The following EMP2 variants were observed in gnomAD, a reference collection of about 807,000 sequenced individuals.
The protein encoded by EMP2 is epithelial membrane protein 2.
Under a neutral mutation model 13.7 loss-of-function variants are expected in EMP2, and 19 were observed. The ratio of observed to expected loss-of-function variants is 1.38; its 90% CI spans 0.97 to 2.03. The LOEUF (loss-of-function observed/expected upper bound fraction) is 2.03, where lower values mean the gene tolerates loss of function less well. Ranked by LOEUF, EMP2 falls within the 30% of genes most tolerant of loss-of-function variation. The pLI is 0.00. For synonymous variants in EMP2, 97 were observed against 84.7 expected, an observed-to-expected ratio of 1.15 and a Z score of -0.80; for missense variants, 253 against 220.7, an observed-to-expected ratio of 1.15 and a Z score of -0.93.
chr16:10,542,570 T>C (rs1370235285), intron 3 of EMP2, among the ~76,000 whole-genome samples: 2 of 152,178 alleles, frequency 1.3e-5, no homozygotes, highest in African/African-American at 2.4e-5. Context: ...TAACCGGGTA[T>C]ACTGTATTTT....
intron 1 of EMP2, among the ~76,000 whole-genome samples, chr16:10,557,599 C>T (rs1422552581): frequency 6.6e-6 from 1 of 152,104 alleles, no homozygotes; most frequent in Non-Finnish European, 1.5e-5. Flanking sequence ...CTAAATGAAT[C>T]ACTTTTTCTG....
chr16:10,543,776 G>A (rs565100529), intron 2 of EMP2, 116 bp from the exon 3 acceptor site: 3 of 941,822 alleles, frequency 3.2e-6, no homozygotes, highest in South Asian at 1.4e-5. Flanking sequence ...CAACACATGT[G>A]AGAATTGCCT....
intron 1 of EMP2, among the ~76,000 whole-genome samples, chr16:10,566,030 C>G (rs567984674): frequency 1.3e-5 from 2 of 152,178 alleles, no homozygotes; most frequent in Non-Finnish European, 2.9e-5. Context: ...GAACACACCA[C>G]CCCCAGCCTC....
At chr16:10,549,725 ACACT>A (rs1190889139) in intron 1 of EMP2, among the ~76,000 whole-genome samples, 87 of 46,038 alleles carry the variant, frequency 1.9e-3, no homozygotes, top group African/African-American at 6.2e-3. Context: ...GCACACACAC[ACACT>A]CACACACACA....
chr16:10,545,685 T>C (rs2050733880), intron 2 of EMP2: 2 of 152,318 alleles, frequency 1.3e-5, no homozygotes, highest in Non-Finnish European at 1.5e-5. Flanking sequence ...TGACGAGTTA[T>C]ATAATTATTT....
intron 1 of EMP2, among the ~76,000 whole-genome samples, chr16:10,561,224 G>A (rs555828614): frequency 1.3e-5 from 2 of 152,342 alleles, no homozygotes; most frequent in South Asian, 4.1e-4. Flanking sequence ...ACAGGAAGCA[G>A]AAGTAGCATG....
At chr16:10,555,205 G>T (rs2050818498) in intron 1 of EMP2, among the ~76,000 whole-genome samples, 1 of 152,152 alleles carries the variant, frequency 6.6e-6, no homozygotes, top group Non-Finnish European at 1.5e-5. Flanking sequence ...TATCTCAGTG[G>T]GATACTCCTC....
chr16:10,572,407 A>G (rs1596382950), intron 1 of EMP2, among the ~76,000 whole-genome samples: 1 of 152,022 alleles, frequency 6.6e-6, no homozygotes, highest in East Asian at 1.9e-4. Flanking sequence ...TGACTGCACC[A>G]CTACACTCCA....
chr16:10,551,568 G>A (rs550527258), intron 1 of EMP2, among the ~76,000 whole-genome samples: 1 of 152,182 alleles, frequency 6.6e-6, no homozygotes, highest in Admixed American at 6.5e-5. Context: ...TACTACGCCT[G>A]GCTAATTTTT....
intron 1 of EMP2, among the ~76,000 whole-genome samples, chr16:10,552,135 T>A (rs62029465): frequency 6.7e-6 from 1 of 149,690 alleles, no homozygotes; most frequent in Non-Finnish European, 1.5e-5. Flanking sequence ...TTTTTTTTTT[T>A]AATAGATGCA....
Position 10,538,042 on chromosome 16 carries a change from T to A in EMP2, c.202A>T (p.Met68Leu), listed in dbSNP as rs201720864. Residue 68 changes from methionine to leucine, a missense_variant, in exon 4 of 5, where the codon ATG becomes TTG. Transcript: ENST00000359543. Reference protein sequence around the residue: ...YSTLQAVQATMILSTILCCIA... With the variant: ...YSTLQAVQATLILSTILCCIA... ...CAGCAGAGAATGGTGGAGAGGATCA[T>A]GGTGGCCTGGACCGCCTGCAGCGTG... The A allele has an allele frequency of 2.5e-6, 4 of 1,613,888 alleles. No homozygotes were observed. Among genetic ancestry groups the A allele is most frequent in the Non-Finnish European group, 3.4e-6 (4 of 1,179,986 alleles).
rs141922804 is a variant in EMP2, at chr16:10,555,823, G to C, written c.-60-8146C>G. 8.5e-5 allele frequency among the ~76,000 whole-genome samples: 13 copies of C among 152,250 alleles called. No homozygotes were observed. In the East Asian group the frequency reaches 2.5e-3, roughly 29 times the overall value. On this transcript the variant is annotated intron_variant, in intron 1 of 4. Coordinates refer to ENST00000359543, the MANE Select transcript of EMP2 (RefSeq NM_001424.6). ...GCTGGTCTTGAACTCCCAATCTCGGGTGATCTGCCTGCCTCGGCCTCCCAA... is the reference window on the plus strand; with the variant it reads ...GCTGGTCTTGAACTCCCAATCTCGGCTGATCTGCCTGCCTCGGCCTCCCAA...
At chr16:10,563,157 T>A (rs2050884254) in intron 1 of EMP2, among the ~76,000 whole-genome samples, 1 of 151,630 alleles carries the variant, frequency 6.6e-6, no homozygotes, top group Admixed American at 6.6e-5. Context: ...GGCCCATCAG[T>A]CACTCTTGGT....
rs1354374711 is a variant in EMP2, at chr16:10,538,110, C to G, written c.170-36G>C. 3.1e-6 allele frequency: 5 copies of G among 1,607,004 alleles called. No individual in the cohort carries two copies. The South Asian group carries it at 5.5e-5, about 18-fold the overall frequency. Reference sequence around the variant, plus strand: ...AGGGCAGGGGCGCAGGACTGAGGACCTTGGCCAGCCGGCACTGTGGGGTAC... The same window carrying G: ...AGGGCAGGGGCGCAGGACTGAGGACGTTGGCCAGCCGGCACTGTGGGGTAC... On this transcript the variant is annotated intron_variant, in intron 3 of 4. Transcript: ENST00000359543.
intron 3 of EMP2, among the ~76,000 whole-genome samples, chr16:10,542,802 A>G: frequency 6.6e-6 from 1 of 152,230 alleles, no homozygotes; most frequent in East Asian, 1.9e-4. Flanking sequence ...TGACATGCCC[A>G]ATGCAAGGCT....
intron 1 of EMP2, among the ~76,000 whole-genome samples, chr16:10,565,313 T>A (rs1015860528): frequency 1.1e-4 from 16 of 152,224 alleles, no homozygotes; most frequent in African/African-American, 3.9e-4. Flanking sequence ...CACATTTGAA[T>A]CAGTGGACTC....
At position 10,532,303 on chromosome 16, in the gene EMP2, T is replaced by C. The variant is rs76123187; in HGVS notation, c.*602A>G. On this transcript the variant is annotated 3_prime_UTR_variant, in exon 5 of 5. Transcript: ENST00000359543. Reference sequence around the variant, plus strand: ...GCAAGCAGGTGACACTGTCGGCAAATTGAGGTGAGACTTTTTCTGACCCAC... The same window carrying C: ...GCAAGCAGGTGACACTGTCGGCAAACTGAGGTGAGACTTTTTCTGACCCAC... 1 of 153,510 alleles carries C rather than the reference T, an allele frequency of 6.5e-6. No individual in the cohort carries two copies. Among genetic ancestry groups the C allele is most frequent in the Non-Finnish European group, 1.5e-5 (1 of 68,236 alleles). The allele number at this position is 153,510 out of a possible 1,614,324, so 9.5% of individuals were successfully genotyped here.
In EMP2 at chr16:10,543,499, C is replaced by A. The variant is rs1596371463; in HGVS notation, c.169+71G>T. ...AGGAGAGGGTACGGAGTCGGGGAAC[C>A]CGAAGCCTCACTCCTGACCGTTCCT... On this transcript the variant is annotated intron_variant, in intron 3 of 4. Coordinates refer to ENST00000359543, the MANE Select transcript of EMP2 (RefSeq NM_001424.6). 7.1e-6 allele frequency: 11 copies of A among 1,556,042 alleles called. No homozygotes were observed. The East Asian group carries it at 1.6e-4, about 22-fold the overall frequency.
At chr16:10,579,436 T>C (rs2051007851) in intron 1 of EMP2, among the ~76,000 whole-genome samples, 1 of 152,122 alleles carries the variant, frequency 6.6e-6, no homozygotes. Flanking sequence ...CTCAGTGGCA[T>C]TAAATACCTT....
Sources: allele counts gnomAD v4.1 joint callset (sites outside exome capture counted in the v4.1 genomes callset), GRCh38; gene constraint gnomAD v4.1.1; transcripts MANE v1.5; gene names NCBI Gene and HGNC (gene_info 2026-07-23, HGNC 2026-07-21).